LHFPL3: variants seen among roughly 807,000 people sequenced by gnomAD.
The protein encoded by LHFPL3 is LHFPL tetraspan subfamily member 3 protein.
LHFPL3 carries 5 observed loss-of-function variants against 19.3 expected under a neutral mutation model. That is an observed-to-expected ratio of 0.26 (90% CI 0.14 to 0.54). LHFPL3 has a LOEUF of 0.54. Ranked by LOEUF, LHFPL3 falls within the 20% of genes least tolerant of loss-of-function variation. The probability of loss-of-function intolerance (pLI) is 0.94; values close to 1 mark genes in which losing one functional copy is unlikely to be tolerated. For missense variants in LHFPL3, 249 were observed against 307.4 expected (o/e 0.81, Z 1.42); for synonymous variants, 133 against 126.2 (o/e 1.05, Z -0.36).
In LHFPL3 at chr7:104,763,326, C is replaced by G. The variant is rs926643181; in HGVS notation, c.682+26415C>G. ...TCGTTCCAAGAAAACTAGTGGCTCC[C>G]TTGCAGCTTATTCAAGAGCCTGTCA... On this transcript the variant is annotated intron_variant, in intron 2 of 2. Transcript: ENST00000424859. Among the ~76,000 whole-genome samples the G allele has an allele frequency of 1.2e-4, 18 of 152,306 alleles. No homozygotes were observed. In the South Asian group the frequency reaches 3.1e-3, roughly 26 times the overall value.
chr7:104,884,249 T>G (rs937802477), intron 2 of LHFPL3, among the ~76,000 whole-genome samples: 1 of 152,194 alleles, frequency 6.6e-6, no homozygotes, highest in Non-Finnish European at 1.5e-5. Context: ...CCTTCTATTC[T>G]GGGCTCTCTT....
intron 2 of LHFPL3, among the ~76,000 whole-genome samples, chr7:104,765,743 A>G (rs7780798): frequency 6.6e-6 from 1 of 151,990 alleles, no homozygotes. Context: ...GCAGAGCCCC[A>G]TGATAGAGGC....
intron 1 of LHFPL3, among the ~76,000 whole-genome samples, chr7:104,695,816 G>C (rs1792986115): frequency 6.6e-6 from 1 of 152,186 alleles, no homozygotes; most frequent in Non-Finnish European, 1.5e-5. Flanking sequence ...GTAACAAAAT[G>C]TCAGATACCA....
Position 104,334,279 on chromosome 7 carries a change from G to A in LHFPL3, c.445+5055G>A, listed in dbSNP as rs1253095838. 2.0e-5 allele frequency among the ~76,000 whole-genome samples: 3 copies of A among 152,198 alleles called. No homozygotes were observed. In the South Asian group the frequency reaches 6.2e-4, roughly 32 times the overall value. ...CCCATATGTTGGGCTGGGTGCAGTG[G>A]CTCACACCTGTAATCGCAGCACTTT... On this transcript the variant is annotated intron_variant, in intron 1 of 2. Coordinates refer to ENST00000424859, the MANE Select transcript of LHFPL3 (RefSeq NM_199000.3).
intron 2 of LHFPL3, among the ~76,000 whole-genome samples, chr7:104,798,112 T>C (rs1790169651): frequency 6.6e-6 from 1 of 152,158 alleles, no homozygotes; most frequent in Admixed American, 6.5e-5. Context: ...TGCGCAAGTA[T>C]GTCCTAGAAC....
intron 2 of LHFPL3, among the ~76,000 whole-genome samples, chr7:104,859,650 C>T (rs1791576623): frequency 6.6e-6 from 1 of 152,118 alleles, no homozygotes; most frequent in Non-Finnish European, 1.5e-5. Flanking sequence ...GCCTGGGTGA[C>T]AGAGGAAGAC....
chr7:104,827,315 G>C lies in LHFPL3; in HGVS notation c.683-78872G>C, dbSNP rs1790843875. 1.3e-5 allele frequency among the ~76,000 whole-genome samples: 2 copies of C among 152,026 alleles called. 1 individual carries two copies. The highest frequency in any genetic ancestry group is 1.3e-4 in the Admixed American group (2 of 15,280). ...AAGCCTTTCTAGCACTTTAAAGTGA[G>C]ATTAATTTAACTGCAATTTGGTTAA... On this transcript the variant is annotated intron_variant, in intron 2 of 2. Transcript: ENST00000424859.
chr7:104,671,929 A>G (rs184043671), intron 1 of LHFPL3, among the ~76,000 whole-genome samples: 8 of 152,304 alleles, frequency 5.3e-5, no homozygotes, highest in Non-Finnish European at 7.4e-5. Flanking sequence ...TGAAAGAATT[A>G]TTCTTTCCTT....
At chr7:104,730,526 G>A (rs1484296943) in intron 1 of LHFPL3, among the ~76,000 whole-genome samples, 2 of 152,200 alleles carry the variant, frequency 1.3e-5, no homozygotes, top group African/African-American at 4.8e-5. Flanking sequence ...TGTGTCTGGT[G>A]GCTGCATAAA....
intron 1 of LHFPL3, among the ~76,000 whole-genome samples, chr7:104,583,141 C>T (rs1194131160): frequency 1.3e-5 from 2 of 151,974 alleles, no homozygotes; most frequent in African/African-American, 4.8e-5. Context: ...GAACAGAGCC[C>T]TCAGAAATGA....
chr7:104,902,984 C>T (rs767649229), intron 2 of LHFPL3, among the ~76,000 whole-genome samples: 55 of 152,088 alleles, frequency 3.6e-4, no homozygotes, highest in Non-Finnish European at 1.5e-4. Flanking sequence ...CAAATGTTCC[C>T]GGAACCTTCC....
At chr7:104,824,001 C>T (rs11764774) in intron 2 of LHFPL3, among the ~76,000 whole-genome samples, 48,551 of 145,440 alleles carry the variant, frequency 0.33, 8,777 homozygotes, top group South Asian at 0.43. Flanking sequence ...CAAAAAATAG[C>T]CGGGCATGGT....
chr7:104,597,344 C>T (rs1790883960), intron 1 of LHFPL3, among the ~76,000 whole-genome samples: 1 of 152,136 alleles, frequency 6.6e-6, no homozygotes, highest in Non-Finnish European at 1.5e-5. Context: ...TCCATTTTCA[C>T]TCTTTATATT....
chr7:104,605,435 G>A (rs1791075638), intron 1 of LHFPL3, among the ~76,000 whole-genome samples: 1 of 152,212 alleles, frequency 6.6e-6, no homozygotes. Context: ...TTTTGGTTAA[G>A]TCTTTCAAAA....
chr7:104,878,408 T>G (rs192073977), intron 2 of LHFPL3, among the ~76,000 whole-genome samples: 1 of 152,192 alleles, frequency 6.6e-6, no homozygotes, highest in South Asian at 2.1e-4. Flanking sequence ...ATTTTCATTA[T>G]TGTTATATCT....
At chr7:104,707,133 A>G (rs987019307) in intron 1 of LHFPL3, among the ~76,000 whole-genome samples, 5 of 152,238 alleles carry the variant, frequency 3.3e-5, no homozygotes, top group Non-Finnish European at 5.9e-5. Flanking sequence ...AGTCAAACCC[A>G]ATATACGAAT....
intron 1 of LHFPL3, among the ~76,000 whole-genome samples, chr7:104,687,371 GT>G (rs1210870260): frequency 2.6e-5 from 4 of 152,078 alleles, no homozygotes; most frequent in Non-Finnish European, 2.9e-5. Flanking sequence ...GTCTTTTTGG[GT>G]TTTTATAGAG....
intron 1 of LHFPL3, among the ~76,000 whole-genome samples, chr7:104,477,508 A>G (rs1001937738): frequency 1.3e-5 from 2 of 152,192 alleles, no homozygotes; most frequent in Non-Finnish European, 2.9e-5. Flanking sequence ...TGATTAAAGC[A>G]ATAATGTGTT....
intron 2 of LHFPL3, among the ~76,000 whole-genome samples, chr7:104,862,716 C>T (rs548722996): frequency 6.6e-6 from 1 of 152,304 alleles, no homozygotes; most frequent in East Asian, 1.9e-4. Context: ...CAGACCTGGA[C>T]CTGCTGAACC....
Sources: gnomAD v4.1 joint callset for allele counts (sites outside exome capture counted in the v4.1 genomes callset) on GRCh38, gnomAD v4.1.1 for gene constraint, MANE v1.5 for transcripts, NCBI Gene and HGNC (gene_info 2026-07-23, HGNC 2026-07-21) for gene names.